Variants in C6 observed in about 807,000 individuals in gnomAD.
C6 encodes the protein complement C6.
C6 carries 101 observed loss-of-function variants against 112.9 expected under a neutral mutation model. The observed-to-expected ratio is 0.89, with a 90% CI of 0.76 to 1.06. The LOEUF (loss-of-function observed/expected upper bound fraction) is 1.06, where lower values mean the gene tolerates loss of function less well. Ranked by LOEUF, C6 falls within the 50% of genes least tolerant of loss-of-function variation. The probability of loss-of-function intolerance (pLI) is 0.00; values close to 1 mark genes in which losing one functional copy is unlikely to be tolerated. For synonymous variants in C6, 431 were observed against 384.1 expected (o/e 1.12, Z -1.43); for missense variants, 1,202 against 1,104.6 (o/e 1.09, Z -1.25).
intron 1 of C6, among the ~76,000 whole-genome samples, chr5:41,248,696 G>A (rs1322648988): frequency 2.6e-5 from 4 of 152,212 alleles, no homozygotes; most frequent in African/African-American, 7.2e-5. Context: ...AAGCCGTGGG[G>A]AAAATGGATG....
At chr5:41,179,528 T>C (rs1168223090) in intron 7 of C6, among the ~76,000 whole-genome samples, 2 of 151,986 alleles carry the variant, frequency 1.3e-5, no homozygotes, top group Non-Finnish European at 2.9e-5. Context: ...TCTGAATTAG[T>C]AGATTAAGGG....
intron 17 of C6, among the ~76,000 whole-genome samples, chr5:41,147,726 C>G (rs930401909): frequency 6.6e-6 from 1 of 152,148 alleles, no homozygotes; most frequent in African/African-American, 2.4e-5. Context: ...ATATCTCTAA[C>G]TGTTTGGGTT....
At chr5:41,167,836 A>G (rs1748108046) in intron 9 of C6, among the ~76,000 whole-genome samples, 1 of 152,184 alleles carries the variant, frequency 6.6e-6, no homozygotes, top group Non-Finnish European at 1.5e-5. Context: ...ATGCCTTAGG[A>G]AAAGTTTATG....
Position 41,176,581 on chromosome 5 carries a change from G to A in C6, c.1062C>T (p.Tyr354=), listed in dbSNP as rs757079865. 3 of 1,613,864 alleles carry A rather than the reference G, an allele frequency of 1.9e-6. No individual in the cohort carries two copies. The highest frequency in any genetic ancestry group is 2.2e-5 in the East Asian group (1 of 44,820). ...HLPLEYNSAL[Y]SRIFDDFGTH... ...TCCCAAAGTCATCGAATATTCGGCTGTACAAAGCAGAGTTGTATTCTAGAG... is the reference window on the plus strand; with the variant it reads ...TCCCAAAGTCATCGAATATTCGGCTATACAAAGCAGAGTTGTATTCTAGAG... The change falls in exon 8 of 18, where the codon TAC becomes TAT. Residue 354 remains tyrosine, a synonymous_variant. Coordinates refer to ENST00000337836, the MANE Select transcript of C6 (RefSeq NM_000065.5).
chr5:41,195,325 G>C (rs887621548), intron 5 of C6, among the ~76,000 whole-genome samples: 1 of 152,046 alleles, frequency 6.6e-6, no homozygotes, highest in Non-Finnish European at 1.5e-5. Context: ...TGGAAGACTG[G>C]TTTTGTTTCT....
chr5:41,156,242 CCTT>C (rs1201977716), intron 13 of C6, among the ~76,000 whole-genome samples: 1 of 152,156 alleles, frequency 6.6e-6, no homozygotes, highest in African/African-American at 2.4e-5. Flanking sequence ...ATCCTCAACA[CCTT>C]CTCTCTTCCC....
chr5:41,226,642 A>G (rs1172118738), intron 1 of C6, among the ~76,000 whole-genome samples: 1 of 152,014 alleles, frequency 6.6e-6, no homozygotes, highest in Non-Finnish European at 1.5e-5. Flanking sequence ...GCTAACCACC[A>G]TTCTAGTTGC....
intron 1 of C6, among the ~76,000 whole-genome samples, chr5:41,232,835 C>T: frequency 6.6e-6 from 1 of 151,664 alleles, no homozygotes. Context: ...ATTGTGTTGT[C>T]ATGTTTCTTT....
At chr5:41,169,803 A>C (rs574650411) in intron 9 of C6, among the ~76,000 whole-genome samples, 2 of 152,270 alleles carry the variant, frequency 1.3e-5, no homozygotes, top group Admixed American at 1.3e-4. Flanking sequence ...GTCACCTCCC[A>C]CCAGACCCCT....
chr5:41,154,015 T>C lies in C6; in HGVS notation c.2102-17A>G, dbSNP rs1312466627. ...ACTCCGTCCCTGCAAGAGAGCAACA[T>C]TTCATATGTGTTTAGTGGAGCAGAA... On this transcript the variant is annotated splice_polypyrimidine_tract_variant and intron_variant, in intron 14 of 17. Coordinates refer to ENST00000337836, the MANE Select transcript of C6 (RefSeq NM_000065.5). 3 of 1,611,760 alleles carry C rather than the reference T, an allele frequency of 1.9e-6. No homozygotes were observed. In the South Asian group the frequency reaches 3.3e-5, roughly 18 times the overall value.
chr5:41,153,962 A>G lies in C6; in HGVS notation c.2138T>C (p.Leu713Pro). The change falls in exon 15 of 18, where the codon CTG becomes CCG. Residue 713 changes from leucine (L) to proline (P), a missense_variant. Coordinates refer to ENST00000337836, the MANE Select transcript of C6 (RefSeq NM_000065.5). ...ECIKPVVQEVLTITPFQRLYR... is the reference protein window; with the variant it reads ...ECIKPVVQEVPTITPFQRLYR... ...CAATCTCTGAAATGGTGTAATTGTC[A>G]GGACTTCCTGCACAACTGGCTTGAT... 1.8e-5 allele frequency: 29 copies of G among 1,613,866 alleles called. No individual in the cohort carries two copies. Among genetic ancestry groups the G allele is most frequent in the Non-Finnish European group, 2.5e-5 (29 of 1,179,820 alleles).
intron 8 of C6, among the ~76,000 whole-genome samples, chr5:41,173,551 G>T (rs898819472): frequency 3.9e-5 from 6 of 152,176 alleles, no homozygotes; most frequent in African/African-American, 1.2e-4. Flanking sequence ...TTGCCTTGCA[G>T]AATACGAGCA....
At chr5:41,203,300 C>A in intron 1 of C6, 50 bp from the exon 2 acceptor site, 2 of 1,567,538 alleles carry the variant, frequency 1.3e-6, no homozygotes, top group Non-Finnish European at 1.8e-6. Context: ...TTGAGGTAAA[C>A]CTTCACAAGT....
At chr5:41,212,184 C>G (rs1751985549) in intron 1 of C6, among the ~76,000 whole-genome samples, 1 of 151,882 alleles carries the variant, frequency 6.6e-6, no homozygotes, top group South Asian at 2.1e-4. Context: ...TTTTTTGAGA[C>G]AGAGTTTCAT....
At chr5:41,200,382 G>A (rs563946493) in intron 3 of C6, among the ~76,000 whole-genome samples, 1 of 152,116 alleles carries the variant, frequency 6.6e-6, no homozygotes, top group Admixed American at 6.6e-5. Flanking sequence ...ATTTTAAATG[G>A]CGAGTAGTAA....
intron 1 of C6, among the ~76,000 whole-genome samples, chr5:41,220,722 T>C (rs1490398199): frequency 6.6e-6 from 1 of 152,062 alleles, no homozygotes; most frequent in Non-Finnish European, 1.5e-5. Flanking sequence ...TAAAAAATGA[T>C]TTCAACTTTT....
rs5867547 is a variant in C6, at chr5:41,256,443, T to TAAAA, written c.-21+4747_-21+4750dup. ...TAAAGTATAATTAAAAAAAAAAAAGTAAAAAAAAAAAAAAAAGAGTCTTAG... is the reference window on the plus strand; with the variant it reads ...TAAAGTATAATTAAAAAAAAAAAAGTAAAAAAAAAAAAAAAAAAAAGAGTCTTAG... On this transcript the variant is annotated intron_variant, in intron 1 of 17. Transcript: ENST00000263413. Among the ~76,000 whole-genome samples, 4 of 122,906 alleles carry TAAAA rather than the reference T, an allele frequency of 3.3e-5. 1 individual carries two copies. The highest frequency in any genetic ancestry group is 3.3e-5 in the Non-Finnish European group (2 of 60,936). The allele number at this position is 122,906 out of a possible 152,430, so 80.6% of individuals were successfully genotyped here.
At chr5:41,220,470 A>T (rs1739095502) in intron 1 of C6, among the ~76,000 whole-genome samples, 1 of 152,166 alleles carries the variant, frequency 6.6e-6, no homozygotes, top group African/African-American at 2.4e-5. Context: ...TGTTTTGCTT[A>T]CTTTCCTTCA....
intron 5 of C6, among the ~76,000 whole-genome samples, chr5:41,194,151 G>C (rs1244514997): frequency 6.6e-6 from 1 of 152,162 alleles, no homozygotes; most frequent in Non-Finnish European, 1.5e-5. Flanking sequence ...TTATCAGTGG[G>C]AGTTTTTGGC....
Sources: gnomAD v4.1 joint callset for allele counts (sites outside exome capture counted in the v4.1 genomes callset) on GRCh38, gnomAD v4.1.1 for gene constraint, MANE v1.5 for transcripts, NCBI Gene and HGNC (gene_info 2026-07-23, HGNC 2026-07-21) for gene names.